Variants in ADAMTSL3 observed in about 807,000 individuals in gnomAD.
ADAMTSL3 encodes ADAMTS like 3.
ADAMTSL3 carries 128 observed loss-of-function variants against 201.7 expected under a neutral mutation model. The observed-to-expected ratio is 0.63, with a 90% CI of 0.55 to 0.73. ADAMTSL3 has a LOEUF of 0.73. Among genes scored for constraint, ADAMTSL3 ranks in the 30% least tolerant of loss-of-function variants. The pLI, the probability that ADAMTSL3 is intolerant of heterozygous loss-of-function variation, is 0.00. For missense variants in ADAMTSL3, 1,990 were observed against 2,119.6 expected (o/e 0.94, Z 1.20); for synonymous variants, 738 against 748.4 (o/e 0.99, Z 0.23).
chr15:83,928,967 A>G (rs556159870), intron 17 of ADAMTSL3, among the ~76,000 whole-genome samples: 40 of 152,258 alleles, frequency 2.6e-4, no homozygotes, highest in African/African-American at 9.4e-4. Flanking sequence ...TGTCCTAATC[A>G]TGTGTAACTG....
intron 7 of ADAMTSL3, among the ~76,000 whole-genome samples, chr15:83,839,552 G>A (rs1008405236): frequency 6.6e-6 from 1 of 152,174 alleles, no homozygotes; most frequent in African/African-American, 2.4e-5. Context: ...ATGGAGGCTG[G>A]ATTACCTGTC....
chr15:83,712,719 T>C (rs1028283205), intron 3 of ADAMTSL3, among the ~76,000 whole-genome samples: 3 of 152,170 alleles, frequency 2.0e-5, no homozygotes, highest in Non-Finnish European at 4.4e-5. Context: ...GCCCTTAAAA[T>C]TGCCTGTTCC....
At chr15:83,860,819 G>T (rs2064839381) in intron 8 of ADAMTSL3, among the ~76,000 whole-genome samples, 1 of 152,154 alleles carries the variant, frequency 6.6e-6, no homozygotes. Context: ...GAGAGTGGGT[G>T]CAGGACAGTA....
intron 23 of ADAMTSL3, among the ~76,000 whole-genome samples, chr15:84,010,048 A>G (rs1050357457): frequency 6.6e-6 from 1 of 152,276 alleles, no homozygotes; most frequent in African/African-American, 2.4e-5. Context: ...GTCTGAATTA[A>G]TAAACATCCC....
intron 4 of ADAMTSL3, among the ~76,000 whole-genome samples, chr15:83,795,174 A>G (rs1052639325): frequency 6.6e-6 from 1 of 152,098 alleles, no homozygotes; most frequent in Non-Finnish European, 1.5e-5. Flanking sequence ...TATTTTAAAT[A>G]GAAGATTTAA....
At chr15:83,952,932 T>G (rs1016553619) in intron 19 of ADAMTSL3, among the ~76,000 whole-genome samples, 1 of 152,246 alleles carries the variant, frequency 6.6e-6, no homozygotes, top group African/African-American at 2.4e-5. Context: ...TTGTCTGATA[T>G]AAGCATAGCA....
At chr15:83,801,533 T>C (rs2063513223) in intron 4 of ADAMTSL3, among the ~76,000 whole-genome samples, 1 of 149,134 alleles carries the variant, frequency 6.7e-6, no homozygotes, top group Non-Finnish European at 1.5e-5. Context: ...CACAATAAAA[T>C]GCAAAATAAC....
chr15:83,740,607 C>G (rs910421297), intron 3 of ADAMTSL3, among the ~76,000 whole-genome samples: 2 of 151,998 alleles, frequency 1.3e-5, no homozygotes, highest in Non-Finnish European at 2.9e-5. Flanking sequence ...ATAACACAAA[C>G]GGACATAAAG....
intron 2 of ADAMTSL3, among the ~76,000 whole-genome samples, chr15:83,703,309 A>T (rs978456727): frequency 3.3e-5 from 5 of 152,122 alleles, no homozygotes; most frequent in Non-Finnish European, 7.3e-5. Flanking sequence ...GTTAATGCTG[A>T]AATTAGTTAA....
intron 11 of ADAMTSL3, among the ~76,000 whole-genome samples, 162 bp downstream of exon 11, chr15:83,890,409 G>T (rs1246021033): frequency 6.6e-6 from 1 of 152,194 alleles, no homozygotes; most frequent in Non-Finnish European, 1.5e-5. Flanking sequence ...ATAGGAATTA[G>T]GACACATTCA....
intron 23 of ADAMTSL3, among the ~76,000 whole-genome samples, chr15:83,994,212 A>T (rs2067634923): frequency 6.6e-6 from 1 of 152,256 alleles, no homozygotes; most frequent in Non-Finnish European, 1.5e-5. Flanking sequence ...AACTGCCTGG[A>T]AAGATTAGAG....
intron 3 of ADAMTSL3, among the ~76,000 whole-genome samples, chr15:83,734,228 A>C (rs536350028): frequency 1.4e-4 from 22 of 152,282 alleles, no homozygotes; most frequent in Middle Eastern, 3.4e-3. Context: ...TTTAGCATTT[A>C]ACATTTTGCA....
Position 83,903,954 on chromosome 15 carries a change from A to AGGAAGGAAGG in ADAMTSL3, c.1700+4223_1700+4224insGGAAGGAAGG, listed in dbSNP as rs1258829960. ...AAAAAAAAAAAAAAAAGAAAAAAGA[A>AGGAAGGAAGG]AGAAAGAAAGAAAGAAAAGGAGCTA... On this transcript the variant is annotated intron_variant, in intron 15 of 29. Transcript: ENST00000286744. Among the ~76,000 whole-genome samples the AGGAAGGAAGG allele has an allele frequency of 1.9e-4, 11 of 57,624 alleles. 2 individuals carry two copies. The highest frequency in any genetic ancestry group is 4.1e-4 in the African/African-American group (4 of 9,684). The allele number at this position is 57,624 out of a possible 152,430, so 37.8% of individuals were successfully genotyped here. A position where few individuals can be genotyped will look rare whatever the true frequency, so the allele number is the denominator to read the frequency against.
chr15:83,835,636 C>G (rs2064253442), intron 6 of ADAMTSL3, among the ~76,000 whole-genome samples: 1 of 152,128 alleles, frequency 6.6e-6, no homozygotes, highest in Non-Finnish European at 1.5e-5. Flanking sequence ...GAGTTTGGCC[C>G]AGGAGCAGTG....
intron 2 of ADAMTSL3, among the ~76,000 whole-genome samples, chr15:83,662,509 A>G (rs1470716100): frequency 2.0e-5 from 3 of 150,404 alleles, no homozygotes; most frequent in African/African-American, 7.3e-5. Context: ...AGCATGGCAC[A>G]TGTATACGTA....
intron 2 of ADAMTSL3, among the ~76,000 whole-genome samples, chr15:83,667,516 G>A (rs2061265051): frequency 8.9e-6 from 1 of 112,002 alleles, no homozygotes. Context: ...AAATTATGAA[G>A]GTTTTTTTTT....
rs140030587 is a variant in ADAMTSL3, at chr15:84,038,197, C to T, written c.*391C>T. On this transcript the variant is annotated 3_prime_UTR_variant, in exon 30 of 30. Transcript: ENST00000286744. ...TGGGAAACACAGCAACCCATGACTT[C>T]CTCTTCTCTCAAGTTGCAGGTTTTC... 4.2e-3 allele frequency: 714 copies of T among 168,824 alleles called. 7 individuals carry two copies. The highest frequency in any genetic ancestry group is 5.9e-3 in the Non-Finnish European group (470 of 79,252). The allele number at this position is 168,824 out of a possible 1,614,324, so 10.5% of individuals were successfully genotyped here. A position where few individuals can be genotyped will look rare whatever the true frequency, so the allele number is the denominator to read the frequency against.
intron 17 of ADAMTSL3, among the ~76,000 whole-genome samples, chr15:83,940,947 A>G (rs2066547115): frequency 6.6e-6 from 1 of 152,136 alleles, no homozygotes; most frequent in Non-Finnish European, 1.5e-5. Flanking sequence ...GAACTTTTGT[A>G]ATTCCTTAGA....
chr15:83,937,381 C>G (rs1377040291), intron 17 of ADAMTSL3, among the ~76,000 whole-genome samples: 1 of 150,954 alleles, frequency 6.6e-6, no homozygotes, highest in African/African-American at 2.5e-5. Flanking sequence ...AACTAGAGAT[C>G]ATTACCTTAA....
Sources: gnomAD v4.1 joint callset for allele counts (sites outside exome capture counted in the v4.1 genomes callset) on GRCh38, gnomAD v4.1.1 for gene constraint, MANE v1.5 for transcripts, NCBI Gene and HGNC (gene_info 2026-07-23, HGNC 2026-07-21) for gene names.